The following MSH3 variants were observed in gnomAD, a reference collection of about 807,000 sequenced individuals.
MSH3 encodes the protein DNA mismatch repair protein Msh3.
A neutral mutation model predicts 123.3 loss-of-function variants in MSH3; 106 were observed. The ratio of observed to expected loss-of-function variants is 0.86; its 90% CI spans 0.73 to 1.01. The LOEUF is 1.01. Among genes scored for constraint, MSH3 ranks in the 50% least tolerant of loss-of-function variants. The pLI is 0.00. For synonymous variants in MSH3, 515 were observed against 481.4 expected, an observed-to-expected ratio of 1.07 and a Z score of -0.91; for missense variants, 1,459 against 1,347.6, an observed-to-expected ratio of 1.08 and a Z score of -1.29.
intron 8 of MSH3, among the ~76,000 whole-genome samples, chr5:80,691,010 A>G (rs1161058930): frequency 2.6e-5 from 4 of 151,982 alleles, no homozygotes; most frequent in South Asian, 2.1e-4. Context: ...ATAATTTAAT[A>G]TATTAATATG....
Position 80,729,899 on chromosome 5 carries a change from T to G in MSH3, c.1568+934T>G, listed in dbSNP as rs184880590. On this transcript the variant is annotated intron_variant, in intron 10 of 23. Coordinates refer to ENST00000265081, the MANE Select transcript of MSH3 (RefSeq NM_002439.5). ...TCCAGGGTGCATCAGCTCTGTCCCA[T>G]TCTGCACAAGTGGGAGGGGAGATAG... Among the ~76,000 whole-genome samples the G allele has an allele frequency of 2.7e-3, 406 of 152,250 alleles. 3 individuals carry two copies. Among genetic ancestry groups the G allele is most frequent in the African/African-American group, 9.4e-3 (391 of 41,558 alleles).
intron 20 of MSH3, among the ~76,000 whole-genome samples, chr5:80,847,929 A>G (rs2112099095): frequency 6.6e-6 from 1 of 152,278 alleles, no homozygotes; most frequent in Non-Finnish European, 1.5e-5. Flanking sequence ...TTTATCTTCC[A>G]GGTTTAAAAA....
chr5:80,713,647 T>C (rs552922295), intron 8 of MSH3, among the ~76,000 whole-genome samples: 1 of 152,320 alleles, frequency 6.6e-6, no homozygotes, highest in African/African-American at 2.4e-5. Context: ...ATAACTTAAT[T>C]TTTTTGATGC....
Position 80,675,184 on chromosome 5 carries a change from T to C in MSH3, c.1173+56T>C, listed in dbSNP as rs1227827557. On this transcript the variant is annotated intron_variant, in intron 7 of 23. Coordinates refer to ENST00000265081, the MANE Select transcript of MSH3 (RefSeq NM_002439.5). ...TAGATGTTCATGGTATCTCTAAATA[T>C]GATCTATCATGTATGGTTTATAATA... The C allele has an allele frequency of 2.6e-6, 4 of 1,544,036 alleles. No homozygotes were observed. In the East Asian group the frequency reaches 9.0e-5, roughly 35 times the overall value.
intron 8 of MSH3, among the ~76,000 whole-genome samples, chr5:80,696,571 G>C (rs150732515): frequency 6.6e-6 from 1 of 152,134 alleles, no homozygotes; most frequent in African/African-American, 2.4e-5. Context: ...GGAACTCACC[G>C]TCATACTGTT....
At chr5:80,681,455 A>G (rs1749965535) in intron 8 of MSH3, among the ~76,000 whole-genome samples, 1 of 152,068 alleles carries the variant, frequency 6.6e-6, no homozygotes, top group African/African-American at 2.4e-5. Context: ...TCTTAAGGAA[A>G]TCATCAGAAA....
chr5:80,733,907 T>C (rs1743458885), intron 10 of MSH3, among the ~76,000 whole-genome samples: 1 of 152,188 alleles, frequency 6.6e-6, no homozygotes. Flanking sequence ...AACAGTCTGG[T>C]AGTACCTCAT....
At chr5:80,762,557 CTG>C (rs937897088) in intron 13 of MSH3, among the ~76,000 whole-genome samples, 3 of 151,434 alleles carry the variant, frequency 2.0e-5, no homozygotes, top group Non-Finnish European at 2.9e-5. Flanking sequence ...GGATTCTTGA[CTG>C]TGTTTTCATT....
intron 19 of MSH3, among the ~76,000 whole-genome samples, chr5:80,799,324 G>A (rs762690044): frequency 2.0e-5 from 3 of 152,072 alleles, no homozygotes; most frequent in Non-Finnish European, 2.9e-5. Context: ...GTCTGGAGGA[G>A]GCTTTGACTC....
At chr5:80,790,879 A>T (rs1744594686) in intron 18 of MSH3, among the ~76,000 whole-genome samples, 1 of 152,234 alleles carries the variant, frequency 6.6e-6, no homozygotes, top group Non-Finnish European at 1.5e-5. Context: ...ATTCATGGTG[A>T]TGGTGAAATT....
intron 20 of MSH3, among the ~76,000 whole-genome samples, chr5:80,842,326 A>G (rs1255210152): frequency 1.3e-5 from 2 of 152,132 alleles, no homozygotes; most frequent in Non-Finnish European, 2.9e-5. Flanking sequence ...TAAAGTTTGA[A>G]GTCAGGTAGC....
intron 13 of MSH3, among the ~76,000 whole-genome samples, chr5:80,763,005 C>T (rs1051190276): frequency 6.6e-6 from 1 of 151,990 alleles, no homozygotes; most frequent in African/African-American, 2.4e-5. Context: ...CGCCACTATG[C>T]CTGGCTAATT....
rs193025029 is a variant in MSH3 at position 80,751,046 on chromosome 5, C to G, written c.1763+6431C>G. Among the ~76,000 whole-genome samples, 11 of 152,200 alleles carry G rather than the reference C, an allele frequency of 7.2e-5. No homozygotes were observed. The East Asian group carries it at 2.1e-3, about 29-fold the overall frequency. On this transcript the variant is annotated intron_variant, in intron 12 of 23. Coordinates refer to ENST00000265081, the MANE Select transcript of MSH3 (RefSeq NM_002439.5). ...ATGTTTATTTAATATGCATGGGGCT[C>G]TTACATTATCTGTACAAGGGGTCTT...
chr5:80,794,407 T>C (rs1744663270), intron 19 of MSH3, among the ~76,000 whole-genome samples: 1 of 152,132 alleles, frequency 6.6e-6, no homozygotes, highest in East Asian at 1.9e-4. Flanking sequence ...ACTCAAAGTC[T>C]CTAGGTTTTT....
chr5:80,680,361 C>T (rs1004352860), intron 8 of MSH3, among the ~76,000 whole-genome samples: 4 of 150,042 alleles, frequency 2.7e-5, no homozygotes, highest in African/African-American at 7.3e-5. Context: ...TAATTTCTTT[C>T]GAAGTAGCTT....
At chr5:80,682,199 C>T (rs956652348) in intron 8 of MSH3, among the ~76,000 whole-genome samples, 5 of 152,154 alleles carry the variant, frequency 3.3e-5, no homozygotes, top group Non-Finnish European at 4.4e-5. Context: ...AGTGTGGACT[C>T]TTGTGACTCA....
chr5:80,856,509 C>A (rs1228088972), intron 21 of MSH3, among the ~76,000 whole-genome samples: 1 of 126,810 alleles, frequency 7.9e-6, no homozygotes, highest in African/African-American at 3.1e-5. Context: ...AATGAGAACA[C>A]ATGGGCACAG....
intron 17 of MSH3, among the ~76,000 whole-genome samples, chr5:80,781,916 C>T (rs1401137745): frequency 6.6e-6 from 1 of 151,986 alleles, no homozygotes; most frequent in Admixed American, 6.6e-5. Flanking sequence ...AGTGAGCTAA[C>T]AGTAAATATA....
chr5:80,861,181 C>G (rs555122551), intron 21 of MSH3, among the ~76,000 whole-genome samples: 2 of 152,230 alleles, frequency 1.3e-5, no homozygotes, highest in East Asian at 3.9e-4. Context: ...CTTGCTCTGT[C>G]TCTTCATATT....
Sources: gnomAD v4.1 joint callset for allele counts (sites outside exome capture counted in the v4.1 genomes callset) on GRCh38, gnomAD v4.1.1 for gene constraint, MANE v1.5 for transcripts, NCBI Gene and HGNC (gene_info 2026-07-23, HGNC 2026-07-21) for gene names.